The following PEX7 variants were observed in gnomAD, a reference collection of about 807,000 sequenced individuals.
The protein encoded by PEX7 is PTS2 receptor.
A neutral mutation model predicts 47.5 loss-of-function variants in PEX7; 34 were observed. The observed-to-expected ratio is 0.72, with a 90% confidence interval of 0.54 to 0.95. PEX7 has a LOEUF of 0.95. Among genes scored for constraint, PEX7 ranks in the 40% least tolerant of loss-of-function variants. The pLI is 0.00. For synonymous variants in PEX7, 141 were observed against 148.8 expected (o/e 0.95, Z 0.38); for missense variants, 394 against 400.3 (o/e 0.98, Z 0.13).
intron 6 of PEX7, among the ~76,000 whole-genome samples, chr6:136,869,185 A>G (rs1775128278): frequency 6.6e-6 from 1 of 152,108 alleles, no homozygotes. Context: ...TTGGCCTCCC[A>G]AAGTGCTGGG....
intron 5 of PEX7, among the ~76,000 whole-genome samples, chr6:136,847,698 G>T (rs1333209191): frequency 6.6e-6 from 1 of 151,934 alleles, no homozygotes; most frequent in Non-Finnish European, 1.5e-5. Context: ...TGTTCCATTG[G>T]TCTAGATCTC....
chr6:136,882,175 CTTTTTTTTTT>C (rs35653586), intron 8 of PEX7, among the ~76,000 whole-genome samples: 5 of 104,324 alleles, frequency 4.8e-5, no homozygotes, highest in African/African-American at 1.5e-4. Context: ...TCTTCTTCTT[CTTTTTTTTTT>C]TTTTTTTTTT....
At chr6:136,864,728 G>T (rs1383810648) in intron 5 of PEX7, among the ~76,000 whole-genome samples, 1 of 152,130 alleles carries the variant, frequency 6.6e-6, no homozygotes, top group African/African-American at 2.4e-5. Flanking sequence ...ACCGTATTTG[G>T]CAGTTTCTAG....
intron 9 of PEX7, among the ~76,000 whole-genome samples, chr6:136,911,862 G>A (rs1175421783): frequency 2.0e-5 from 3 of 152,138 alleles, no homozygotes; most frequent in Non-Finnish European, 2.9e-5. Flanking sequence ...GTAAGAAACG[G>A]CCAAATTGTT....
intron 5 of PEX7, among the ~76,000 whole-genome samples, chr6:136,859,480 T>G (rs1183357612): frequency 6.6e-6 from 1 of 152,078 alleles, no homozygotes; most frequent in African/African-American, 2.4e-5. Context: ...TGCCTGAATG[T>G]GTGGGATCCA....
In PEX7 at chr6:136,845,664, C is replaced by T. The variant is rs1774583567; in HGVS notation, c.389C>T (p.Ser130Phe). 6.2e-7 allele frequency: 1 copy of T among 1,609,256 alleles called. No individual in the cohort carries two copies. Among genetic ancestry groups the T allele is most frequent in the Non-Finnish European group, 8.5e-7 (1 of 1,175,728 alleles). Residue 130 changes from serine (S) to phenylalanine (F), a missense_variant, in exon 4 of 10, where the codon TCT becomes TTT. By Grantham distance (155) the Ser-to-Phe change is radical. Transcript: ENST00000318471. ...ACCAGAGGTGAACAGCTTGTGGTGT[C>T]TGGCTCATGGGATCAAACTGTCAAA... ...SQTRGEQLVV[S>F]GSWDQTVKLW...
chr6:136,847,931 T>G (rs1774659192), intron 5 of PEX7, among the ~76,000 whole-genome samples: 1 of 152,224 alleles, frequency 6.6e-6, no homozygotes, highest in African/African-American at 2.4e-5. Flanking sequence ...TAAATTACCT[T>G]GGGCAGTATG....
chr6:136,824,525 T>C (rs893221203), intron 1 of PEX7, among the ~76,000 whole-genome samples: 1 of 152,018 alleles, frequency 6.6e-6, no homozygotes, highest in South Asian at 2.1e-4. Context: ...TAAAATCTTA[T>C]GCAAAAACTC....
chr6:136,825,524 C>T lies in PEX7; in HGVS notation c.188+253C>T, dbSNP rs145368159. 4.4e-3 allele frequency among the ~76,000 whole-genome samples: 676 copies of T among 152,000 alleles called. 11 individuals carry two copies. Among genetic ancestry groups the T allele is most frequent in the African/African-American group, 0.015 (629 of 41,458 alleles). On this transcript the variant is annotated intron_variant, in intron 2 of 9. Transcript: ENST00000318471. ...CCTCGTGGGCAACATAGGAGGACCC[C>T]GTCTCTAAAAGAAATTTTTTTTTTT...
At chr6:136,827,077 G>A (rs371019328) in intron 3 of PEX7, among the ~76,000 whole-genome samples, 1 of 152,146 alleles carries the variant, frequency 6.6e-6, no homozygotes, top group African/African-American at 2.4e-5. Context: ...TACCTTAAAT[G>A]TTTTAAGATT....
chr6:136,889,806 A>G lies in PEX7; in HGVS notation c.804-8336A>G, dbSNP rs114396755. On this transcript the variant is annotated intron_variant, in intron 8 of 9. Coordinates refer to ENST00000318471, the MANE Select transcript of PEX7 (RefSeq NM_000288.4). ...TTAGAAGAAGCAACTAAAAGAATTT[A>G]GAGTGATTGCCTCTGAGGTGAAAGA... Among the ~76,000 whole-genome samples the G allele has an allele frequency of 4.8e-3, 735 of 152,356 alleles. 6 individuals are homozygous for G. The highest frequency in any genetic ancestry group is 0.017 in the African/African-American group (691 of 41,590).
At chr6:136,837,436 T>G (rs937307174) in intron 3 of PEX7, among the ~76,000 whole-genome samples, 1 of 151,586 alleles carries the variant, frequency 6.6e-6, no homozygotes, top group African/African-American at 2.4e-5. Context: ...AGAAGCGATC[T>G]TAAAGTTAAA....
At position 136,878,040 on chromosome 6, in the gene PEX7, C is replaced by G. The variant is rs527861177; in HGVS notation, c.803+5787C>G. Among the ~76,000 whole-genome samples the G allele has an allele frequency of 7.9e-5, 12 of 152,208 alleles. No homozygotes were observed. In the South Asian group the frequency reaches 2.1e-3, roughly 26 times the overall value. On this transcript the variant is annotated intron_variant, in intron 8 of 9. Transcript: ENST00000318471. ...TTCACATCCCTTGTAAGTTGGATTC[C>G]TAGGTATTTTATTCCCTTTGTAGCA... is the stretch of plus-strand genomic sequence containing the variant.
At chr6:136,865,445 C>T (rs1277859976) in intron 5 of PEX7, among the ~76,000 whole-genome samples, 1 of 152,094 alleles carries the variant, frequency 6.6e-6, no homozygotes, top group Non-Finnish European at 1.5e-5. Context: ...ATTACAGGCA[C>T]CCGCCACCAC....
rs71009512 is a variant in PEX7, at chr6:136,844,372, GAA to G, written c.340-1233_340-1232del. Reference sequence around the variant, plus strand: ...GGCGACTGCGCAAGACCCTGTTTTGGAAAAAAAAAAAGAAAAATCTAAGTTGT... The same window carrying G: ...GGCGACTGCGCAAGACCCTGTTTTGGAAAAAAAAAGAAAAATCTAAGTTGT... On this transcript the variant is annotated intron_variant, in intron 3 of 9. Coordinates refer to ENST00000318471, the MANE Select transcript of PEX7 (RefSeq NM_000288.4). Among the ~76,000 whole-genome samples the G allele has an allele frequency of 4.0e-5, 6 of 148,180 alleles. No homozygotes were observed. In the East Asian group the frequency reaches 7.9e-4, roughly 20 times the overall value.
intron 9 of PEX7, among the ~76,000 whole-genome samples, chr6:136,905,345 A>C (rs1038192533): frequency 2.0e-5 from 3 of 152,158 alleles, no homozygotes; most frequent in African/African-American, 7.2e-5. Context: ...GGCTTACCCC[A>C]CTGTCCTGTC....
intron 5 of PEX7, among the ~76,000 whole-genome samples, chr6:136,858,004 C>T (rs1774892102): frequency 6.6e-6 from 1 of 152,108 alleles, no homozygotes; most frequent in Non-Finnish European, 1.5e-5. Context: ...TTGGTAGAGA[C>T]AGGGTTTCAC....
At chr6:136,856,213 A>G (rs1297568076) in intron 5 of PEX7, among the ~76,000 whole-genome samples, 4 of 150,464 alleles carry the variant, frequency 2.7e-5, no homozygotes, top group African/African-American at 7.4e-5. Context: ...CCCCTGTTTC[A>G]TTACATTACC....
chr6:136,861,581 T>C (rs962184845), intron 5 of PEX7, among the ~76,000 whole-genome samples: 2 of 151,960 alleles, frequency 1.3e-5, no homozygotes, highest in African/African-American at 4.8e-5. Context: ...ATTAAATGGT[T>C]TTTTTTTAGC....
Sources: allele counts gnomAD v4.1 joint callset (sites outside exome capture counted in the v4.1 genomes callset), GRCh38; gene constraint gnomAD v4.1.1; transcripts MANE v1.5; gene names NCBI Gene and HGNC (gene_info 2026-07-23, HGNC 2026-07-21).